The following GIMAP2 variants were observed in gnomAD, a reference collection of about 807,000 sequenced individuals.
GIMAP2 encodes GTPase IMAP family member 2.
In GIMAP2, 22 loss-of-function variants were observed where a neutral mutation model predicts 25.5. The observed-to-expected ratio is 0.86, with a 90% CI of 0.62 to 1.23. The LOEUF is 1.23. Ranked by LOEUF, GIMAP2 falls within the 50% of genes most tolerant of loss-of-function variation. The pLI is 0.00. For missense variants in GIMAP2, 422 were observed against 395.7 expected, an observed-to-expected ratio of 1.07 and a Z score of -0.56; for synonymous variants, 167 against 143.0, an observed-to-expected ratio of 1.17 and a Z score of -1.20.
chr7:150,690,103 T>C (rs1162279057), intron 2 of GIMAP2, among the ~76,000 whole-genome samples: 1 of 152,222 alleles, frequency 6.6e-6, no homozygotes, highest in Non-Finnish European at 1.5e-5. Flanking sequence ...GCTAGGAAGC[T>C]ATGTTTTGAA....
Position 150,692,977 on chromosome 7 carries a change from G to C in GIMAP2, c.691G>C (p.Gly231Arg). Residue 231 changes from glycine to arginine, a missense_variant, in exon 3 of 3, where the codon GGA becomes CGA. By Grantham distance (125) the Gly-to-Arg change is moderately radical. Coordinates refer to ENST00000223293, the MANE Select transcript of GIMAP2 (RefSeq NM_015660.3). ...ACAGAGGTCTAAATGTGGACCTGTG[G>C]GATCAGATGAAAGAGTAAAGGAATT... is the stretch of plus-strand genomic sequence containing the variant. ...LIQRSKCGPV[G>R]SDERVKEFKQ... The C allele has an allele frequency of 6.2e-7, 1 of 1,613,686 alleles. No individual in the cohort carries two copies. The highest frequency in any genetic ancestry group is 8.5e-7 in the Non-Finnish European group (1 of 1,179,604).
At chr7:150,689,085 T>C (rs1369799289) in intron 2 of GIMAP2, among the ~76,000 whole-genome samples, 2 of 152,204 alleles carry the variant, frequency 1.3e-5, no homozygotes, top group Non-Finnish European at 2.9e-5. Flanking sequence ...CCTGGTCTCC[T>C]AGGTGGCTCT....
At chr7:150,691,977 C>G (rs1453373359) in intron 2 of GIMAP2, among the ~76,000 whole-genome samples, 2 of 152,070 alleles carry the variant, frequency 1.3e-5, no homozygotes, top group East Asian at 3.9e-4. Context: ...CGCCAGTAAT[C>G]CCAGCACTTT....
chr7:150,686,546 G>T (rs892692216), intron 1 of GIMAP2, among the ~76,000 whole-genome samples: 1 of 152,166 alleles, frequency 6.6e-6, no homozygotes, highest in Non-Finnish European at 1.5e-5. Context: ...CCACTTCTCA[G>T]CCCCTCAGCA....
chr7:150,688,662 A>C (rs1267583035), intron 2 of GIMAP2, among the ~76,000 whole-genome samples: 6 of 151,734 alleles, frequency 4.0e-5, no homozygotes, highest in Admixed American at 3.9e-4. Context: ...TGCCCCCTCA[A>C]CCCTCATGCT....
chr7:150,693,467 G>T lies in GIMAP2; in HGVS notation c.*167G>T. On this transcript the variant is annotated 3_prime_UTR_variant, in exon 3 of 3. Coordinates refer to ENST00000223293, the MANE Select transcript of GIMAP2 (RefSeq NM_015660.3). ...CAAATCATACGATAAGTTACTGTTT[G>T]CATTGAAATATAATATCAAAGCCTT... 1 of 512,354 alleles carries T rather than the reference G, an allele frequency of 2.0e-6. No individual in the cohort carries two copies. 31.7% of individuals were successfully genotyped at this position (512,354 alleles called of 1,614,324 possible).
chr7:150,692,625 T>G lies in GIMAP2; in HGVS notation c.339T>G (p.Thr113=), dbSNP rs777993215. The change falls in exon 3 of 3, where the codon ACT becomes ACG. Residue 113 remains threonine, a synonymous_variant. Coordinates refer to ENST00000223293, the MANE Select transcript of GIMAP2 (RefSeq NM_015660.3). ...APGPHVLLLV[T]QLGRYTSQDQ... Reference sequence around the variant, plus strand: ...GACCCCATGTGCTGCTCCTGGTGACTCAGCTGGGCCGCTATACCTCACAGG... The same window carrying G: ...GACCCCATGTGCTGCTCCTGGTGACGCAGCTGGGCCGCTATACCTCACAGG... 6.2e-7 allele frequency: 1 copy of G among 1,614,152 alleles called. No individual in the cohort carries two copies. Among genetic ancestry groups the G allele is most frequent in the South Asian group, 1.1e-5 (1 of 91,082 alleles).
intron 2 of GIMAP2, among the ~76,000 whole-genome samples, chr7:150,690,955 TAG>T (rs1348289693): frequency 6.6e-6 from 1 of 152,258 alleles, no homozygotes; most frequent in Non-Finnish European, 1.5e-5. Flanking sequence ...GTGGTCAATG[TAG>T]ACTTTCCTTC....
In GIMAP2 at chr7:150,693,308, T is replaced by C. The variant is rs1796991345; in HGVS notation, c.*8T>C. On this transcript the variant is annotated 3_prime_UTR_variant, in exon 3 of 3. Transcript: ENST00000223293. The stretch of plus-strand genomic sequence containing the variant: ...AAGACTCCTAGGTTATAGTTACAGA[T>C]CCCAGTTATTATTTACTCACTATCA... The C allele has an allele frequency of 6.6e-7, 1 of 1,515,434 alleles. No homozygotes were observed. Among genetic ancestry groups the C allele is most frequent in the African/African-American group, 1.4e-5 (1 of 72,160 alleles). 93.9% of individuals were successfully genotyped at this position (1,515,434 alleles called of 1,614,324 possible). A position where few individuals can be genotyped will look rare whatever the true frequency, so the allele number is the denominator to read the frequency against.
chr7:150,689,255 T>C (rs1000242562), intron 2 of GIMAP2, among the ~76,000 whole-genome samples: 11 of 152,226 alleles, frequency 7.2e-5, no homozygotes, highest in African/African-American at 2.7e-4. Flanking sequence ...CCAGTTTCTG[T>C]CATTCAGCAG....
rs994229863 is a variant in GIMAP2 at position 150,692,418 on chromosome 7, G to A, written c.132G>A (p.Arg44=). Residue 44 remains arginine, a synonymous_variant, in exon 3 of 3, where the codon AGG becomes AGA. Transcript: ENST00000223293. The part of the protein sequence containing the change: ...GKSAAGNSIL[R]KQAFESKLGS... Reference sequence around the variant, plus strand: ...GTGCTGCAGGGAACAGCATCCTCAGGAAGCAAGCATTTGAATCGAAGCTGG... The same window carrying A: ...GTGCTGCAGGGAACAGCATCCTCAGAAAGCAAGCATTTGAATCGAAGCTGG... 5 of 1,614,110 alleles carry A rather than the reference G, an allele frequency of 3.1e-6. No homozygotes were observed. The highest frequency in any genetic ancestry group is 1.3e-5 in the African/African-American group (1 of 74,940).
chr7:150,691,405 G>A (rs538107369), intron 2 of GIMAP2, among the ~76,000 whole-genome samples: 10 of 152,088 alleles, frequency 6.6e-5, no homozygotes, highest in Non-Finnish European at 1.5e-4. Flanking sequence ...CCTTACCCAC[G>A]TTGAAGGGAA....
chr7:150,686,467 G>A lies in GIMAP2; in HGVS notation c.-8-585G>A, dbSNP rs114064238. ...GGCAAAACAAAAACAGAAGGGAGCC[G>A]GGCTGATCTGTGAGAGGACGGGAGG... On this transcript the variant is annotated intron_variant, in intron 1 of 2. Transcript: ENST00000223293. 8.8e-3 allele frequency among the ~76,000 whole-genome samples: 1,346 copies of A among 152,174 alleles called. 64 individuals carry two copies. The South Asian group carries it at 0.14, about 15-fold the overall frequency.
At position 150,686,410 on chromosome 7, in the gene GIMAP2, C is replaced by CA. The variant is rs1464111403; in HGVS notation, c.-9+626dup. Among the ~76,000 whole-genome samples, 22 of 152,128 alleles carry CA rather than the reference C, an allele frequency of 1.4e-4. 1 individual carries two copies. The East Asian group carries it at 4.1e-3, about 28-fold the overall frequency. On this transcript the variant is annotated intron_variant, in intron 1 of 2. Coordinates refer to ENST00000223293, the MANE Select transcript of GIMAP2 (RefSeq NM_015660.3). Reference sequence around the variant, plus strand: ...TAAGGTGTAAGGGAAGGCACACCTACAGAGAAAGCTGACAGAAGCGAAGAG... The same window carrying CA: ...TAAGGTGTAAGGGAAGGCACACCTACAAGAGAAAGCTGACAGAAGCGAAGAG...
intron 2 of GIMAP2, chr7:150,689,741 G>A (rs1796944585): frequency 1.8e-6 from 1 of 552,130 alleles, no homozygotes; most frequent in Admixed American, 2.9e-5. Context: ...TGTGCAACAA[G>A]TGTTGGCGTA....
At chr7:150,692,126 G>C (rs1796971730) in intron 2 of GIMAP2, among the ~76,000 whole-genome samples, 189 bp from the exon 3 acceptor site, 1 of 151,998 alleles carries the variant, frequency 6.6e-6, no homozygotes, top group Non-Finnish European at 1.5e-5. Context: ...CTGGGAGGCT[G>C]AGGCAGGAGA....
chr7:150,690,069 A>G (rs977589813), intron 2 of GIMAP2, among the ~76,000 whole-genome samples: 1 of 152,232 alleles, frequency 6.6e-6, no homozygotes, highest in African/African-American at 2.4e-5. Context: ...AATTATATCT[A>G]TACTGGAAGA....
chr7:150,691,556 C>T (rs1394122057), intron 2 of GIMAP2, among the ~76,000 whole-genome samples: 1 of 152,172 alleles, frequency 6.6e-6, no homozygotes, highest in African/African-American at 2.4e-5. Context: ...TTACACTGCT[C>T]ATTCTAATAT....
rs778027630 is a variant in GIMAP2, at chr7:150,692,479, C to T, written c.193C>T (p.Gln65Ter). The change falls in exon 3 of 3, where the codon CAG becomes TAG. Residue 65 changes from glutamine to a stop codon, truncating the protein, a stop_gained. Coordinates refer to ENST00000223293, the MANE Select transcript of GIMAP2 (RefSeq NM_015660.3). LOFTEE classifies it high-confidence loss of function. ...QTLTKTCSKS[Q>*]GSWGNREIVI... is the part of the protein sequence containing the mutation. ...CTTGACTAAGACTTGCAGCAAAAGT[C>T]AGGGAAGCTGGGGAAATAGAGAGAT... is the stretch of plus-strand genomic sequence containing the variant. 124 of 1,614,032 alleles carry T rather than the reference C, an allele frequency of 7.7e-5. No individual in the cohort carries two copies. The highest frequency in any genetic ancestry group is 1.6e-4 in the Middle Eastern group (1 of 6,084).
Sources: gnomAD v4.1 joint callset for allele counts (sites outside exome capture counted in the v4.1 genomes callset) on GRCh38, gnomAD v4.1.1 for gene constraint, MANE v1.5 for transcripts, NCBI Gene and HGNC (gene_info 2026-07-23, HGNC 2026-07-21) for gene names.